The following MACROD2 variants were observed in gnomAD, a reference collection of about 807,000 sequenced individuals.
The protein encoded by MACROD2 is ADP-ribose glycohydrolase MACROD2.
In MACROD2, 36 loss-of-function variants were observed where a neutral mutation model predicts 70.4. The observed-to-expected ratio is 0.51, with a 90% CI of 0.39 to 0.68. MACROD2 has a LOEUF of 0.68. Among genes scored for constraint, MACROD2 ranks in the 30% least tolerant of loss-of-function variants. The pLI, the probability that MACROD2 is intolerant of heterozygous loss-of-function variation, is 0.00. For synonymous variants in MACROD2, 172 were observed against 178.8 expected, an observed-to-expected ratio of 0.96 and a Z score of 0.30; for missense variants, 496 against 538.4, an observed-to-expected ratio of 0.92 and a Z score of 0.78.
At chr20:14,175,357 G>T (rs777042957) in intron 3 of MACROD2, among the ~76,000 whole-genome samples, 21 of 152,134 alleles carry the variant, frequency 1.4e-4, no homozygotes, top group Non-Finnish European at 3.1e-4. Context: ...TATTATTCAG[G>T]AACCTAATTG....
Position 15,059,389 on chromosome 20 carries a change from A to T in MACROD2, c.419-170551A>T, listed in dbSNP as rs531824916. Among the ~76,000 whole-genome samples the T allele has an allele frequency of 5.7e-3, 861 of 152,312 alleles. 12 individuals carry two copies. The highest frequency in any genetic ancestry group is 0.02 in the African/African-American group (818 of 41,568). ...GACAGAGCAAGACTTTGTCTCAAAA[A>T]AAAAGAATAGAAAAAGAAAAAAAAA... is the stretch of plus-strand genomic sequence containing the variant. On this transcript the variant is annotated intron_variant, in intron 5 of 17. Coordinates refer to ENST00000684519, the MANE Select transcript of MACROD2 (RefSeq NM_001351661.2).
intron 3 of MACROD2, among the ~76,000 whole-genome samples, chr20:14,330,950 GTTAAT>G (rs1437685123): frequency 3.3e-5 from 5 of 152,006 alleles, no homozygotes; most frequent in East Asian, 1.9e-4. Flanking sequence ...AAATAATGTG[GTTAAT>G]TTAAGTTTAG....
intron 3 of MACROD2, among the ~76,000 whole-genome samples, chr20:14,143,503 G>T (rs113597937): frequency 1.2e-4 from 19 of 152,124 alleles, no homozygotes; most frequent in African/African-American, 4.6e-4. Context: ...TGTGGAAATG[G>T]TTACAAAATC....
At chr20:15,461,006 A>ATATATATATATATATTTTTTTTTTTTTT in intron 7 of MACROD2, among the ~76,000 whole-genome samples, 1 of 66,990 alleles carries the variant, frequency 1.5e-5, no homozygotes, top group African/African-American at 4.2e-5. Context: ...ATATATATAT[A>ATATATATATATATATTTTTTTTTTTTTT]TTTTTTTTTA....
chr20:14,206,058 CA>C (rs2081520252), intron 3 of MACROD2, among the ~76,000 whole-genome samples: 1 of 152,120 alleles, frequency 6.6e-6, no homozygotes, highest in Non-Finnish European at 1.5e-5. Context: ...GGTTCTCCAT[CA>C]GGGGCAATTT....
chr20:15,488,625 T>G (rs994537476), intron 7 of MACROD2, among the ~76,000 whole-genome samples: 1 of 152,184 alleles, frequency 6.6e-6, no homozygotes. Context: ...GTGTGCTTTA[T>G]GTTTGGAAAG....
chr20:15,232,905 A>T (rs1281014595), intron 6 of MACROD2, among the ~76,000 whole-genome samples: 1 of 152,048 alleles, frequency 6.6e-6, no homozygotes. Context: ...TTTTTAATGG[A>T]TGTAAGACAA....
At position 14,594,999 on chromosome 20, in the gene MACROD2, A is replaced by G. The variant is rs929945288; in HGVS notation, c.302-89844A>G. Among the ~76,000 whole-genome samples the G allele has an allele frequency of 4.6e-5, 7 of 152,210 alleles. No individual in the cohort carries two copies. The South Asian group carries it at 1.0e-3, about 23-fold the overall frequency. ...TCCTGTCTTTTTTTCCCCCTCTGGT[A>G]TAAATATATACATAGAAATACTAAC... On this transcript the variant is annotated intron_variant, in intron 4 of 17. Transcript: ENST00000684519.
At chr20:15,333,826 A>G (rs1396147987) in intron 6 of MACROD2, among the ~76,000 whole-genome samples, 1 of 151,610 alleles carries the variant, frequency 6.6e-6, no homozygotes, top group Non-Finnish European at 1.5e-5. Context: ...GGGAGCAACG[A>G]ATCACAGTGA....
chr20:15,845,805 T>A (rs1383189763), intron 8 of MACROD2, among the ~76,000 whole-genome samples: 1 of 152,214 alleles, frequency 6.6e-6, no homozygotes, highest in African/African-American at 2.4e-5. Context: ...CCCTACAGTA[T>A]TGGTCTATTA....
intron 5 of MACROD2, among the ~76,000 whole-genome samples, chr20:14,826,452 G>A (rs553892839): frequency 1.3e-5 from 2 of 152,120 alleles, no homozygotes; most frequent in Non-Finnish European, 2.9e-5. Context: ...TTAAGATTCT[G>A]TTTCTGTTGC....
intron 8 of MACROD2, among the ~76,000 whole-genome samples, chr20:15,839,782 T>C (rs970116450): frequency 6.6e-6 from 1 of 152,114 alleles, no homozygotes; most frequent in African/African-American, 2.4e-5. Flanking sequence ...TGTCTATATA[T>C]CATCATTGTG....
At chr20:14,267,508 A>G (rs1271244384) in intron 3 of MACROD2, among the ~76,000 whole-genome samples, 8 of 152,112 alleles carry the variant, frequency 5.3e-5, no homozygotes, top group African/African-American at 1.9e-4. Flanking sequence ...TCAAGTATCT[A>G]TTAACATTCT....
intron 8 of MACROD2, among the ~76,000 whole-genome samples, chr20:15,513,784 A>G (rs2047532220): frequency 6.6e-6 from 1 of 152,242 alleles, no homozygotes; most frequent in Non-Finnish European, 1.5e-5. Context: ...AAGCAAATCA[A>G]CTTGAGCTTG....
At chr20:15,407,011 T>C (rs1319006908) in intron 6 of MACROD2, among the ~76,000 whole-genome samples, 1 of 152,110 alleles carries the variant, frequency 6.6e-6, no homozygotes, top group Non-Finnish European at 1.5e-5. Context: ...TCAACATAGG[T>C]GATTTGCCTG....
Position 14,528,111 on chromosome 20 carries a change from C to CTT in MACROD2, c.301+34617_301+34618dup, listed in dbSNP as rs5840621. Among the ~76,000 whole-genome samples the CTT allele has an allele frequency of 8.8e-4, 125 of 141,636 alleles. 1 individual carries two copies. Among genetic ancestry groups the CTT allele is most frequent in the South Asian group, 7.2e-3 (32 of 4,426 alleles). 92.9% of individuals were successfully genotyped at this position (141,636 alleles called of 152,430 possible). A position where few individuals can be genotyped will look rare whatever the true frequency, so the allele number is the denominator to read the frequency against. The stretch of plus-strand genomic sequence containing the variant: ...CCTTTAATAAGCCCCACTGTCTACA[C>CTT]TTTTTTTTTTTTTTTGAGATGGAGT... On this transcript the variant is annotated intron_variant, in intron 4 of 17. Coordinates refer to ENST00000684519, the MANE Select transcript of MACROD2 (RefSeq NM_001351661.2).
In MACROD2 at chr20:14,896,649, TA is replaced by T. The variant is rs111803473; in HGVS notation, c.418+211703del. On this transcript the variant is annotated intron_variant, in intron 5 of 17. Transcript: ENST00000684519. The stretch of plus-strand genomic sequence containing the variant: ...ATGGATTCAGGTAGATGAGTTTCCA[TA>T]AAAAAAAAAAAATGACATCAAGCAT... Among the ~76,000 whole-genome samples, 208 of 142,504 alleles carry T rather than the reference TA, an allele frequency of 1.5e-3. 1 individual carries two copies. Among genetic ancestry groups the T allele is most frequent in the Middle Eastern group, 3.6e-3 (1 of 276 alleles). 93.5% of individuals were successfully genotyped at this position (142,504 alleles called of 152,430 possible).
At chr20:15,220,980 A>G (rs2076855706) in intron 5 of MACROD2, among the ~76,000 whole-genome samples, 1 of 152,198 alleles carries the variant, frequency 6.6e-6, no homozygotes, top group South Asian at 2.1e-4. Context: ...GGAGTGGTAA[A>G]GGAATGCTGA....
At chr20:14,603,398 T>G (rs1210152353) in intron 4 of MACROD2, among the ~76,000 whole-genome samples, 2 of 152,214 alleles carry the variant, frequency 1.3e-5, no homozygotes, top group Non-Finnish European at 2.9e-5. Flanking sequence ...GTAGAGATTA[T>G]TTTTCATTCT....
Sources: gnomAD v4.1 joint callset for allele counts (sites outside exome capture counted in the v4.1 genomes callset) on GRCh38, gnomAD v4.1.1 for gene constraint, MANE v1.5 for transcripts, NCBI Gene and HGNC (gene_info 2026-07-23, HGNC 2026-07-21) for gene names.